Variants in ACOXL observed in about 807,000 individuals in gnomAD.
The protein encoded by ACOXL is acyl-CoA oxidase like.
Under a neutral mutation model 71.9 loss-of-function variants are expected in ACOXL, and 70 were observed. That is an observed-to-expected ratio of 0.97 (90% confidence interval 0.80 to 1.19). The LOEUF (loss-of-function observed/expected upper bound fraction) is 1.19. Among genes scored for constraint, ACOXL ranks in the 50% most tolerant of loss-of-function variants. The probability of loss-of-function intolerance (pLI) is 0.00; values close to 1 mark genes in which losing one functional copy is unlikely to be tolerated. For synonymous variants in ACOXL, 253 were observed against 281.6 expected, an observed-to-expected ratio of 0.90 and a Z score of 1.02; for missense variants, 703 against 736.3, an observed-to-expected ratio of 0.95 and a Z score of 0.52.
intron 11 of ACOXL, among the ~76,000 whole-genome samples, chr2:110,932,729 A>T (rs1366865026): frequency 1.3e-5 from 2 of 152,230 alleles, no homozygotes; most frequent in Non-Finnish European, 2.9e-5. Flanking sequence ...AGAGTTGAGC[A>T]TAGGTCCCAC....
chr2:111,060,445 C>T (rs1179504240), intron 16 of ACOXL, among the ~76,000 whole-genome samples: 2 of 152,130 alleles, frequency 1.3e-5, no homozygotes, highest in African/African-American at 2.4e-5. Flanking sequence ...CAGCACCCCA[C>T]CCCAGCAGCA....
intron 9 of ACOXL, among the ~76,000 whole-genome samples, chr2:110,839,814 A>G (rs187805700): frequency 1.3e-4 from 20 of 152,022 alleles, no homozygotes; most frequent in Admixed American, 4.6e-4. Context: ...GGATCCTCCT[A>G]TCATCTTGCA....
At chr2:110,956,123 C>G (rs761402329) in intron 12 of ACOXL, among the ~76,000 whole-genome samples, 2 of 151,876 alleles carry the variant, frequency 1.3e-5, no homozygotes, top group Non-Finnish European at 2.9e-5. Flanking sequence ...TTAGTAGAGA[C>G]GGGTTTGTTG....
intron 16 of ACOXL, among the ~76,000 whole-genome samples, chr2:111,086,869 G>A (rs371777960): frequency 6.6e-6 from 1 of 152,248 alleles, no homozygotes; most frequent in Non-Finnish European, 1.5e-5. Flanking sequence ...AACTATTCCT[G>A]TTTGCAGACA....
At chr2:110,813,431 C>T (rs1443573788) in intron 9 of ACOXL, among the ~76,000 whole-genome samples, 4 of 152,174 alleles carry the variant, frequency 2.6e-5, no homozygotes, top group Non-Finnish European at 5.9e-5. Flanking sequence ...AGAGGCTTGC[C>T]TTCCTTGGCG....
chr2:111,027,508 G>C (rs1286476812), intron 14 of ACOXL, among the ~76,000 whole-genome samples: 1 of 151,598 alleles, frequency 6.6e-6, no homozygotes, highest in Non-Finnish European at 1.5e-5. Flanking sequence ...TTTTGGTAGA[G>C]ACAGGGTTTC....
chr2:110,967,658 T>A (rs945116187), intron 12 of ACOXL, among the ~76,000 whole-genome samples: 1 of 152,082 alleles, frequency 6.6e-6, no homozygotes, highest in Non-Finnish European at 1.5e-5. Context: ...CTGAAAGAAA[T>A]GAAAGGAGAA....
At chr2:110,989,914 C>T (rs1334193279) in intron 13 of ACOXL, among the ~76,000 whole-genome samples, 3 of 152,060 alleles carry the variant, frequency 2.0e-5, no homozygotes, top group Non-Finnish European at 4.4e-5. Context: ...GTGGCACATG[C>T]TTGTAATCCT....
intron 14 of ACOXL, among the ~76,000 whole-genome samples, chr2:111,026,164 G>A (rs1054654241): frequency 3.6e-4 from 54 of 152,068 alleles, no homozygotes; most frequent in Non-Finnish European, 6.9e-4. Flanking sequence ...GTTTACTATA[G>A]CTTTATAGGA....
intron 12 of ACOXL, among the ~76,000 whole-genome samples, chr2:110,934,248 T>A (rs1161255533): frequency 6.6e-6 from 1 of 152,136 alleles, no homozygotes; most frequent in East Asian, 1.9e-4. Flanking sequence ...CCAGAGCCCA[T>A]GACAAAGTGA....
chr2:110,871,153 C>T (rs114422328), intron 10 of ACOXL, among the ~76,000 whole-genome samples: 16 of 152,220 alleles, frequency 1.1e-4, no homozygotes, highest in South Asian at 2.1e-4. Flanking sequence ...TGATAGGAGA[C>T]GTTTTGCATT....
rs75442617 is a variant in ACOXL, at chr2:110,887,046, C to T, written c.789-21743C>T. 2.8e-3 allele frequency: 1,732 copies of T among 615,176 alleles called. 25 individuals carry two copies. The African/African-American group carries it at 0.03, about 11-fold the overall frequency. 38.1% of individuals were successfully genotyped at this position (615,176 alleles called of 1,614,324 possible). A position where few individuals can be genotyped will look rare whatever the true frequency, so the allele number is the denominator to read the frequency against. The stretch of plus-strand genomic sequence containing the variant: ...TTAGGAGATGCTGGCCTGGCGTCCA[C>T]GGGTCTGCTGTGTATGTCTCTCCAG... On this transcript the variant is annotated intron_variant, in intron 10 of 17. Coordinates refer to ENST00000439055, the MANE Select transcript of ACOXL (RefSeq NM_001142807.4).
At chr2:111,112,488 T>C (rs1386594049) in intron 17 of ACOXL, among the ~76,000 whole-genome samples, 1 of 152,202 alleles carries the variant, frequency 6.6e-6, no homozygotes, top group Non-Finnish European at 1.5e-5. Context: ...AGGACTAAGA[T>C]GGGAAATTAG....
intron 1 of ACOXL, among the ~76,000 whole-genome samples, chr2:110,746,657 G>A (rs542824481): frequency 1.3e-5 from 2 of 152,214 alleles, no homozygotes; most frequent in African/African-American, 2.4e-5. Flanking sequence ...GCACAGTCAC[G>A]CTCCACCATG....
chr2:110,861,983 C>T (rs900582155), intron 10 of ACOXL, among the ~76,000 whole-genome samples: 5 of 152,188 alleles, frequency 3.3e-5, no homozygotes, highest in Non-Finnish European at 5.9e-5. Flanking sequence ...GGCACCTCCA[C>T]GGGCTTTGTG....
chr2:110,760,209 G>T (rs191171815), intron 1 of ACOXL, among the ~76,000 whole-genome samples: 1 of 149,906 alleles, frequency 6.7e-6, no homozygotes, highest in Non-Finnish European at 1.5e-5. Flanking sequence ...GTGCAATCTC[G>T]GCTCACTGCA....
intron 14 of ACOXL, among the ~76,000 whole-genome samples, chr2:111,004,007 T>G (rs1211346624): frequency 6.6e-6 from 1 of 152,240 alleles, no homozygotes; most frequent in Non-Finnish European, 1.5e-5. Flanking sequence ...TTTGCTCAGC[T>G]AGCTGTATAT....
chr2:111,001,086 A>G (rs867752049), intron 14 of ACOXL, among the ~76,000 whole-genome samples: 1 of 152,232 alleles, frequency 6.6e-6, no homozygotes, highest in Non-Finnish European at 1.5e-5. Context: ...AAGTCATGCA[A>G]AAGGCCTTCT....
chr2:111,018,130 G>T (rs572632965), intron 14 of ACOXL: 1 of 152,298 alleles, frequency 6.6e-6, no homozygotes, highest in South Asian at 2.1e-4. Context: ...AAAAAATGCT[G>T]CTTACCAGTT....
Sources: allele counts gnomAD v4.1 joint callset (sites outside exome capture counted in the v4.1 genomes callset), GRCh38; gene constraint gnomAD v4.1.1; transcripts MANE v1.5; gene names NCBI Gene and HGNC (gene_info 2026-07-23, HGNC 2026-07-21).